Variants in CELSR1 observed in about 807,000 individuals in gnomAD.
CELSR1 encodes cadherin EGF LAG seven-pass G-type receptor 1.
In CELSR1, 110 loss-of-function variants were observed where a neutral mutation model predicts 249.1. That is an observed-to-expected ratio of 0.44 (90% CI 0.38 to 0.52). The LOEUF (loss-of-function observed/expected upper bound fraction) is 0.52. Ranked by LOEUF, CELSR1 falls within the 20% of genes least tolerant of loss-of-function variation. The pLI, the probability that CELSR1 is intolerant of heterozygous loss-of-function variation, is 0.00. For missense variants in CELSR1, 4,109 were observed against 4,296.4 expected (o/e 0.96, Z 1.22); for synonymous variants, 2,113 against 1,900.0 (o/e 1.11, Z -2.92).
At chr22:46,382,161 C>G (rs188252129) in intron 20 of CELSR1, 111 bp from the exon 21 acceptor site, 1 of 1,044,130 alleles carries the variant, frequency 9.6e-7, no homozygotes, top group African/African-American at 1.6e-5. Flanking sequence ...CCACAGAAAA[C>G]AGTACCGTGG....
At chr22:46,386,314 C>G in intron 19 of CELSR1, 88 bp downstream of exon 19, 1 of 1,373,646 alleles carries the variant, frequency 7.3e-7, no homozygotes. Context: ...GGGCCGGGAG[C>G]CCACCTGCTT....
chr22:46,514,477 G>A (rs1369868250), intron 1 of CELSR1, among the ~76,000 whole-genome samples: 1 of 152,190 alleles, frequency 6.6e-6, no homozygotes, highest in African/African-American at 2.4e-5. Flanking sequence ...CACACCTCTG[G>A]CTGCCAGTCA....
rs1228105044 is a variant in CELSR1 at position 46,500,977 on chromosome 22, T to C, written c.3544+32650A>G. ...GACCCAAAGATCTGAAATGTTAAGA[T>C]GTTTCCACTAAGAAAAGTTTATTTA... On this transcript the variant is annotated intron_variant, in intron 1 of 34. Transcript: ENST00000674500. The surrounding 1 kb of genome is among the most constrained non-coding windows in gnomAD (Gnocchi z 4.9). Among the ~76,000 whole-genome samples, 1 of 152,212 alleles carries C rather than the reference T, an allele frequency of 6.6e-6. No individual in the cohort carries two copies. The highest frequency in any genetic ancestry group is 1.9e-4 in the East Asian group (1 of 5,200).
In CELSR1 at chr22:46,454,647, C is replaced by G. The variant is rs2079925585; in HGVS notation, c.4183+9060G>C. 6.6e-6 allele frequency among the ~76,000 whole-genome samples: 1 copy of G among 152,264 alleles called. No homozygotes were observed. Among genetic ancestry groups the G allele is most frequent in the South Asian group, 2.1e-4 (1 of 4,836 alleles). On this transcript the variant is annotated intron_variant, in intron 2 of 34. Coordinates refer to ENST00000674500, the MANE Select transcript of CELSR1 (RefSeq NM_001378328.1). The surrounding 1 kb of genome is among the most constrained non-coding windows in gnomAD (Gnocchi z 5.1). ...GACTCACATTCCACACCTAGTTCAG[C>G]TCGCCCACCTCCAAGCTGTCCGGGT...
At position 46,468,689 on chromosome 22, in the gene CELSR1, T is replaced by G. The variant is rs1405258927; in HGVS notation, c.3545-4344A>C. Among the ~76,000 whole-genome samples the G allele has an allele frequency of 1.3e-5, 2 of 152,198 alleles. No individual in the cohort carries two copies. The highest frequency in any genetic ancestry group is 4.8e-5 in the African/African-American group (2 of 41,462). ...TCTGGAGATAGATGGTGGTGATGGCTGCACAGCAAAGCTAATGTGCTTAAT... is the reference window on the plus strand; with the variant it reads ...TCTGGAGATAGATGGTGGTGATGGCGGCACAGCAAAGCTAATGTGCTTAAT... On this transcript the variant is annotated intron_variant, in intron 1 of 34. Coordinates refer to ENST00000674500, the MANE Select transcript of CELSR1 (RefSeq NM_001378328.1). The surrounding 1 kb of genome is among the most constrained non-coding windows in gnomAD (Gnocchi z 4.5).
rs1602015519 is a variant in CELSR1 at position 46,363,636 on chromosome 22, C to A, written c.9035+360G>T. ...TCCACCCCGCCCCCTTCACCCCTGG[C>A]ATTCCGGGACCCTCAGTATCCTCAA... On this transcript the variant is annotated intron_variant, in intron 34 of 34. Transcript: ENST00000674500. The surrounding 1 kb of genome is among the most constrained non-coding windows in gnomAD (Gnocchi z 4.3). 1 of 366,098 alleles carries A rather than the reference C, an allele frequency of 2.7e-6. No homozygotes were observed. Among genetic ancestry groups the A allele is most frequent in the East Asian group, 5.2e-5 (1 of 19,298 alleles). The allele number at this position is 366,098 out of a possible 1,614,324, so 22.7% of individuals were successfully genotyped here.
rs551897587 is a variant in CELSR1 at position 46,407,008 on chromosome 22, A to AG, written c.5226+1987dup. On this transcript the variant is annotated intron_variant, in intron 9 of 34. Transcript: ENST00000674500. This position sits in a 1 kb window ranked among gnomAD's most constrained non-coding sequence, Gnocchi z 4.8. ...GGACTTCCTGACCGCAGGAGCGGGGAGGGGGGGTCATCCTGGGAGAACAGG... is the reference window on the plus strand; with the variant it reads ...GGACTTCCTGACCGCAGGAGCGGGGAGGGGGGGGTCATCCTGGGAGAACAGG... Among the ~76,000 whole-genome samples the AG allele has an allele frequency of 2.4e-3, 358 of 152,216 alleles. 5 individuals are homozygous for AG. The South Asian group carries it at 0.033, about 14-fold the overall frequency.
At position 46,506,265 on chromosome 22, in the gene CELSR1, A is replaced by C. The variant is rs2080514040; in HGVS notation, c.3544+27362T>G. ...TGCTGGGTTCTGGATGGACATGCAG[A>C]GCACCCGCCATGATCCCTCCAAGCC... On this transcript the variant is annotated intron_variant, in intron 1 of 34. Coordinates refer to ENST00000674500, the MANE Select transcript of CELSR1 (RefSeq NM_001378328.1). The surrounding 1 kb of genome is among the most constrained non-coding windows in gnomAD (Gnocchi z 4.1). Among the ~76,000 whole-genome samples, 1 of 152,076 alleles carries C rather than the reference A, an allele frequency of 6.6e-6. No individual in the cohort carries two copies. Among genetic ancestry groups the C allele is most frequent in the South Asian group, 2.1e-4 (1 of 4,826 alleles).
intron 5 of CELSR1, among the ~76,000 whole-genome samples, chr22:46,418,007 G>A (rs541976102): frequency 6.6e-6 from 1 of 152,354 alleles, no homozygotes; most frequent in East Asian, 1.9e-4. Context: ...GCCAGGACTT[G>A]GCTGTACAAC....
Position 46,367,200 on chromosome 22 carries a change from A to G in CELSR1, c.8080-82T>C. 8 of 1,518,506 alleles carry G rather than the reference A, an allele frequency of 5.3e-6. 1 individual carries two copies. Among genetic ancestry groups the G allele is most frequent in the Non-Finnish European group, 7.1e-6 (8 of 1,130,560 alleles). The allele number at this position is 1,518,506 out of a possible 1,614,324, so 94.1% of individuals were successfully genotyped here. A position where few individuals can be genotyped will look rare whatever the true frequency, so the allele number is the denominator to read the frequency against. On this transcript the variant is annotated intron_variant, in intron 28 of 34. Coordinates refer to ENST00000674500, the MANE Select transcript of CELSR1 (RefSeq NM_001378328.1). ...TAGGCGCCCCAGCACAGATGCGCATACAGCCTTGAGTGCACACAACATGTC... is the reference window on the plus strand; with the variant it reads ...TAGGCGCCCCAGCACAGATGCGCATGCAGCCTTGAGTGCACACAACATGTC...
chr22:46,513,944 G>A (rs947454856), intron 1 of CELSR1, among the ~76,000 whole-genome samples: 2 of 151,740 alleles, frequency 1.3e-5, no homozygotes, highest in East Asian at 1.9e-4. Context: ...ACAGGTGCAC[G>A]CATCCACACC....
chr22:46,373,003 C>A lies in CELSR1; in HGVS notation c.7639G>T (p.Ala2547Ser). The A allele has an allele frequency of 6.2e-7, 1 of 1,612,858 alleles. No homozygotes were observed. The highest frequency in any genetic ancestry group is 8.5e-7 in the Non-Finnish European group (1 of 1,179,764). The change falls in exon 25 of 35, where the codon GCC becomes TCC. Residue 2547 changes from alanine (A) to serine (S), a missense_variant. Physicochemically the swap from Ala to Ser is moderately conservative, Grantham distance 99. Around this residue, in one of 7 missense-constraint regions of CELSR1, gnomAD observed 1,805 missense variants for 1,831.6 expected, o/e 0.99. Coordinates refer to ENST00000674500, the MANE Select transcript of CELSR1 (RefSeq NM_001378328.1). ...TGCAGGCTCTCCACGAGGGTCCAGG[C>A]AAAGGTGCTCATGTAGATGTAGTGG... ...LLHYIYMSTF[A>S]WTLVESLHVY...
At chr22:46,444,795 A>ATC (rs929052590) in intron 2 of CELSR1, among the ~76,000 whole-genome samples, 1 of 152,116 alleles carries the variant, frequency 6.6e-6, no homozygotes, top group African/African-American at 2.4e-5. Context: ...TCCAGGGTGG[A>ATC]TCTCTCCTGC....
intron 1 of CELSR1, among the ~76,000 whole-genome samples, chr22:46,496,223 C>T (rs2080412385): frequency 6.8e-6 from 1 of 147,548 alleles, no homozygotes; most frequent in Non-Finnish European, 1.5e-5. Context: ...AAAAAATTGA[C>T]TCTTTTGTAA....
rs1318868974 is a variant in CELSR1, at chr22:46,429,531, C to G, written c.4611+3862G>C. On this transcript the variant is annotated intron_variant, in intron 5 of 34. Transcript: ENST00000674500. This position sits in a 1 kb window ranked among gnomAD's most constrained non-coding sequence, Gnocchi z 4.1. Reference sequence around the variant, plus strand: ...GACCGTCCTGGAAAAACGTCCGACTCCAATGTACCCTTTGGTTTTGCTGAA... The same window carrying G: ...GACCGTCCTGGAAAAACGTCCGACTGCAATGTACCCTTTGGTTTTGCTGAA... 1.3e-5 allele frequency among the ~76,000 whole-genome samples: 2 copies of G among 152,246 alleles called. No homozygotes were observed. Among genetic ancestry groups the G allele is most frequent in the Non-Finnish European group, 2.9e-5 (2 of 68,044 alleles).
Position 46,412,616 on chromosome 22 carries a change from A to G in CELSR1, c.4612-857T>C, listed in dbSNP as rs1052369072. 6.6e-6 allele frequency among the ~76,000 whole-genome samples: 1 copy of G among 152,172 alleles called. No individual in the cohort carries two copies. Among genetic ancestry groups the G allele is most frequent in the Non-Finnish European group, 1.5e-5 (1 of 68,038 alleles). On this transcript the variant is annotated intron_variant, in intron 5 of 34. Transcript: ENST00000674500. The surrounding 1 kb of genome is among the most constrained non-coding windows in gnomAD (Gnocchi z 4.5). The stretch of plus-strand genomic sequence containing the variant: ...GACTGTGGTTTGCCATCCGGGGACG[A>G]GCCCACTTTCCCCAGACAGCCCTCG...
intron 14 of CELSR1, among the ~76,000 whole-genome samples, chr22:46,392,148 C>A: frequency 6.6e-6 from 1 of 152,236 alleles, no homozygotes; most frequent in East Asian, 1.9e-4. Flanking sequence ...AGCCCTTGGG[C>A]GTTTTTTTAA....
intron 24 of CELSR1, among the ~76,000 whole-genome samples, chr22:46,375,177 C>A (rs2078905574): frequency 6.6e-6 from 1 of 152,202 alleles, no homozygotes; most frequent in Non-Finnish European, 1.5e-5. Flanking sequence ...CCAGCCTGGT[C>A]TTTTTATTCC....
chr22:46,435,771 C>G (rs911624025), intron 4 of CELSR1, among the ~76,000 whole-genome samples: 7 of 151,858 alleles, frequency 4.6e-5, no homozygotes, highest in Non-Finnish European at 1.0e-4. Context: ...CGTGATCTCA[C>G]CTCACTGCAC....
Sources: gnomAD v4.1 joint callset for allele counts (sites outside exome capture counted in the v4.1 genomes callset) on GRCh38, gnomAD v4.1.1 for gene constraint, gnomAD v4.1.1 regional missense constraint, Gnocchi (gnomAD v3.1) non-coding constraint, MANE v1.5 for transcripts, NCBI Gene and HGNC (gene_info 2026-07-23, HGNC 2026-07-21) for gene names.